Variants in ARHGAP24 observed in about 807,000 individuals in gnomAD.
ARHGAP24 encodes the protein rho GTPase-activating protein 24.
A neutral mutation model predicts 76.4 loss-of-function variants in ARHGAP24; 50 were observed. That is an observed-to-expected ratio of 0.65 (90% CI 0.52 to 0.83). The LOEUF is 0.83. ARHGAP24 is among the 40% of genes least tolerant of loss of function. ARHGAP24 has a pLI of 0.00. For synonymous variants in ARHGAP24, 345 were observed against 323.3 expected, an observed-to-expected ratio of 1.07 and a Z score of -0.72; for missense variants, 930 against 914.2, an observed-to-expected ratio of 1.02 and a Z score of -0.22.
intron 1 of ARHGAP24, among the ~76,000 whole-genome samples, chr4:85,544,717 C>A (rs767581063): frequency 6.6e-6 from 1 of 151,768 alleles, no homozygotes; most frequent in Non-Finnish European, 1.5e-5. Context: ...TATACACATA[C>A]ATATATGTAA....
intron 2 of ARHGAP24, among the ~76,000 whole-genome samples, chr4:85,687,829 A>T (rs571958350): frequency 3.9e-4 from 59 of 149,596 alleles, no homozygotes; most frequent in East Asian, 1.6e-3. Flanking sequence ...TTTTTTTTTT[A>T]AAACAGAGTT....
chr4:85,526,571 T>G (rs1035860623), intron 1 of ARHGAP24, among the ~76,000 whole-genome samples: 6 of 152,034 alleles, frequency 3.9e-5, no homozygotes, highest in African/African-American at 1.4e-4. Flanking sequence ...GACTTCTGCC[T>G]CTATTAAGGG....
intron 1 of ARHGAP24, among the ~76,000 whole-genome samples, chr4:85,480,347 C>A (rs1471501802): frequency 6.6e-6 from 1 of 152,032 alleles, no homozygotes; most frequent in Non-Finnish European, 1.5e-5. Context: ...AAAAGACAGG[C>A]TAAAAATTCA....
intron 4 of ARHGAP24, among the ~76,000 whole-genome samples, chr4:85,936,563 T>A (rs1736644591): frequency 6.6e-6 from 1 of 152,010 alleles, no homozygotes; most frequent in Non-Finnish European, 1.5e-5. Context: ...TAATATTTAT[T>A]ATAATAATAA....
chr4:85,874,619 T>C (rs1186217639), intron 3 of ARHGAP24, among the ~76,000 whole-genome samples: 1 of 151,516 alleles, frequency 6.6e-6, no homozygotes, highest in East Asian at 1.9e-4. Context: ...ATCATACTGA[T>C]ATCATTCCCC....
intron 3 of ARHGAP24, among the ~76,000 whole-genome samples, chr4:85,823,411 G>C (rs546028481): frequency 6.6e-6 from 1 of 152,208 alleles, no homozygotes; most frequent in African/African-American, 2.4e-5. Flanking sequence ...TATACTTTTA[G>C]TCATTTAAGA....
chr4:85,777,642 A>G (rs1317393704), intron 3 of ARHGAP24, among the ~76,000 whole-genome samples: 1 of 152,190 alleles, frequency 6.6e-6, no homozygotes, highest in East Asian at 1.9e-4. Flanking sequence ...AATTGACCTT[A>G]CTTCCCATGC....
Position 85,804,670 on chromosome 4 carries a change from C to T in ARHGAP24, c.268+82698C>T, listed in dbSNP as rs1157448440. On this transcript the variant is annotated intron_variant, in intron 3 of 9. Transcript: ENST00000395184. Reference sequence around the variant, plus strand: ...TGATGAATTTCTGAGAGACCTCAATCAATTAATTTTTAAAAGATGTTGGAT... The same window carrying T: ...TGATGAATTTCTGAGAGACCTCAATTAATTAATTTTTAAAAGATGTTGGAT... Among the ~76,000 whole-genome samples, 7 of 152,242 alleles carry T rather than the reference C, an allele frequency of 4.6e-5. No homozygotes were observed. The South Asian group carries it at 1.2e-3, about 27-fold the overall frequency.
chr4:85,602,941 T>TAA (rs1345392107), intron 2 of ARHGAP24, among the ~76,000 whole-genome samples: 1 of 152,220 alleles, frequency 6.6e-6, no homozygotes, highest in Admixed American at 6.5e-5. Flanking sequence ...CTCACTGCAT[T>TAA]AACTTGCTCT....
At chr4:85,842,862 T>A (rs1252213901) in intron 3 of ARHGAP24, among the ~76,000 whole-genome samples, 1 of 152,210 alleles carries the variant, frequency 6.6e-6, no homozygotes, top group Non-Finnish European at 1.5e-5. Context: ...CATTTGATCC[T>A]CCCACTTTGA....
At chr4:85,887,438 C>T (rs1733623892) in intron 3 of ARHGAP24, among the ~76,000 whole-genome samples, 1 of 151,962 alleles carries the variant, frequency 6.6e-6, no homozygotes, top group African/African-American at 2.4e-5. Context: ...GAAAATCTAT[C>T]CTTAAAATAG....
chr4:85,734,641 T>TTTTTA (rs1475284174), intron 3 of ARHGAP24, among the ~76,000 whole-genome samples: 1 of 146,556 alleles, frequency 6.8e-6, no homozygotes, highest in Admixed American at 6.8e-5. Flanking sequence ...AGGGAATTTT[T>TTTTTA]TTTTTTTTTT....
At chr4:85,926,183 G>A (rs1736016127) in intron 4 of ARHGAP24, among the ~76,000 whole-genome samples, 1 of 152,140 alleles carries the variant, frequency 6.6e-6, no homozygotes, top group Admixed American at 6.5e-5. Flanking sequence ...TCATGAACCT[G>A]GAAGGGACAC....
chr4:85,966,834 A>G (rs1438513784), intron 5 of ARHGAP24, among the ~76,000 whole-genome samples: 2 of 152,136 alleles, frequency 1.3e-5, no homozygotes, highest in Non-Finnish European at 2.9e-5. Flanking sequence ...ATAAGTTCAC[A>G]ATATCTTTAA....
intron 2 of ARHGAP24, among the ~76,000 whole-genome samples, chr4:85,665,424 G>C (rs866579611): frequency 1.9e-4 from 29 of 152,112 alleles, no homozygotes; most frequent in Middle Eastern, 3.4e-3. Context: ...ACGTGAGATG[G>C]GTATCCTGAA....
At chr4:85,766,575 G>A (rs1299322628) in intron 3 of ARHGAP24, among the ~76,000 whole-genome samples, 2 of 151,926 alleles carry the variant, frequency 1.3e-5, no homozygotes, top group Non-Finnish European at 2.9e-5. Flanking sequence ...AGACTAATAC[G>A]ACCCCACATC....
chr4:85,748,964 G>A (rs1013304522), intron 3 of ARHGAP24, among the ~76,000 whole-genome samples: 4 of 152,056 alleles, frequency 2.6e-5, no homozygotes, highest in Admixed American at 1.3e-4. Flanking sequence ...CTCCCTCAAC[G>A]TGGCAGAATA....
chr4:85,477,569 G>A (rs548308489), intron 1 of ARHGAP24, among the ~76,000 whole-genome samples: 36 of 152,290 alleles, frequency 2.4e-4, no homozygotes, highest in South Asian at 1.0e-3. Context: ...CATGGATCAT[G>A]GTTTTATTTA....
chr4:85,825,843 C>T (rs965688319), intron 3 of ARHGAP24, among the ~76,000 whole-genome samples: 17 of 152,164 alleles, frequency 1.1e-4, no homozygotes, highest in Non-Finnish European at 2.1e-4. Context: ...TATATAAAAA[C>T]CACACTTTAT....
Sources: allele counts gnomAD v4.1 joint callset (sites outside exome capture counted in the v4.1 genomes callset), GRCh38; gene constraint gnomAD v4.1.1; transcripts MANE v1.5; gene names NCBI Gene and HGNC (gene_info 2026-07-23, HGNC 2026-07-21).